Variants in C20orf203 observed in about 807,000 individuals in gnomAD.
The protein encoded by C20orf203 is chromosome 20 open reading frame 203, also known as uncharacterized protein C20orf203.
In C20orf203, 16 loss-of-function variants were observed where a neutral mutation model predicts 15.9. That is an observed-to-expected ratio of 1.01 (90% CI 0.68 to 1.53). The LOEUF (loss-of-function observed/expected upper bound fraction) is 1.53, where lower values mean the gene tolerates loss of function less well. Ranked by LOEUF, C20orf203 falls within the 40% of genes most tolerant of loss-of-function variation. C20orf203 has a pLI of 0.00. For missense variants in C20orf203, 263 were observed against 247.5 expected, an observed-to-expected ratio of 1.06 and a Z score of -0.42; for synonymous variants, 98 against 97.2, an observed-to-expected ratio of 1.01 and a Z score of -0.05.
chr20:32,666,571 G>T (rs923936342), intron 1 of C20orf203, among the ~76,000 whole-genome samples: 2 of 150,726 alleles, frequency 1.3e-5, no homozygotes, highest in African/African-American at 4.9e-5. Context: ...AGACCATCCT[G>T]GCTAACATAG....
intron 5 of C20orf203, among the ~76,000 whole-genome samples, chr20:32,638,266 T>C (rs1227067060): frequency 2.0e-5 from 3 of 152,232 alleles, no homozygotes; most frequent in Non-Finnish European, 4.4e-5. Flanking sequence ...TTCTGTGTGC[T>C]TCATGTATGT....
At position 32,650,622 on chromosome 20, in the gene C20orf203, C is replaced by A. The variant is rs942928914; in HGVS notation, c.395G>T (p.Arg132Leu). The change falls in exon 4 of 6, where the codon CGG (arginine) becomes CTG (leucine). Residue 132 changes from arginine to leucine, a missense_variant. Transcript: ENST00000608990. Reference protein sequence around the residue: ...VGRGLRAPAGRGRAMGGMPRM... With the variant: ...VGRGLRAPAGLGRAMGGMPRM... ...GGGCATCCCTCCCATTGCCCTCCCCCGCCCAGCAGGGGCCCGCAGCCCCCT... is the reference window on the plus strand; with the variant it reads ...GGGCATCCCTCCCATTGCCCTCCCCAGCCCAGCAGGGGCCCGCAGCCCCCT... 1.9e-5 allele frequency: 30 copies of A among 1,546,626 alleles called. No individual in the cohort carries two copies. Among genetic ancestry groups the A allele is most frequent in the Middle Eastern group, 1.7e-4 (1 of 6,002 alleles).
intron 5 of C20orf203, among the ~76,000 whole-genome samples, chr20:32,639,270 G>A (rs535688063): frequency 6.6e-6 from 1 of 152,302 alleles, no homozygotes; most frequent in South Asian, 2.1e-4. Context: ...TTCTTCCTTT[G>A]GATGTTTCTC....
chr20:32,653,673 C>T (rs1410145545), intron 1 of C20orf203, among the ~76,000 whole-genome samples: 3 of 152,118 alleles, frequency 2.0e-5, no homozygotes, highest in East Asian at 1.9e-4. Flanking sequence ...TCCACTCTTA[C>T]GGCAAAGTTG....
intron 5 of C20orf203, 101 bp from the exon 6 acceptor site, chr20:32,634,371 C>T: frequency 5.0e-6 from 2 of 396,438 alleles, no homozygotes; most frequent in Non-Finnish European, 8.9e-6. Context: ...GTGAGACATT[C>T]AAGAAGTGCA....
chr20:32,673,006 C>T (rs1983209881), intron 1 of C20orf203, among the ~76,000 whole-genome samples: 1 of 152,092 alleles, frequency 6.6e-6, no homozygotes, highest in African/African-American at 2.4e-5. Flanking sequence ...ATGGGACTGG[C>T]AGGATCTAGG....
chr20:32,666,421 C>T (rs574982040), intron 1 of C20orf203, among the ~76,000 whole-genome samples: 16 of 148,834 alleles, frequency 1.1e-4, no homozygotes, highest in Non-Finnish European at 2.2e-4. Flanking sequence ...GAGCCAAGAT[C>T]GTGCCACTGC....
Position 32,649,550 on chromosome 20 carries a change from CT to C in C20orf203, c.*881del, listed in dbSNP as rs771151278. 1 of 152,968 alleles carries C rather than the reference CT, an allele frequency of 6.5e-6. No homozygotes were observed. Among genetic ancestry groups the C allele is most frequent in the Non-Finnish European group, 1.5e-5 (1 of 68,376 alleles). 9.5% of individuals were successfully genotyped at this position (152,968 alleles called of 1,614,324 possible). On this transcript the variant is annotated 3_prime_UTR_variant, in exon 4 of 6. Coordinates refer to ENST00000608990, the MANE Select transcript of C20orf203 (RefSeq NM_182584.4). Reference sequence around the variant, plus strand: ...GGGTTCTAGCACACTCCTCCTGCCCCTGTCACAACACGCTGATGGCACCACA... The same window carrying C: ...GGGTTCTAGCACACTCCTCCTGCCCCGTCACAACACGCTGATGGCACCACA...
chr20:32,655,209 A>G (rs565470126), intron 1 of C20orf203, among the ~76,000 whole-genome samples: 2 of 152,224 alleles, frequency 1.3e-5, no homozygotes, highest in South Asian at 4.1e-4. Context: ...TGGATTAGGC[A>G]ATAGTTTCAT....
intron 1 of C20orf203, among the ~76,000 whole-genome samples, chr20:32,659,287 T>C (rs1982835331): frequency 6.6e-6 from 1 of 152,210 alleles, no homozygotes. Flanking sequence ...AAGGTCACCC[T>C]GTTTCTGGCC....
Position 32,633,968 on chromosome 20 carries a change from T to C in C20orf203, c.*1602A>G, listed in dbSNP as rs1982070850. The C allele has an allele frequency of 2.5e-6, 1 of 398,538 alleles. No homozygotes were observed. The highest frequency in any genetic ancestry group is 1.3e-4 in the South Asian group (1 of 7,820). 24.7% of individuals were successfully genotyped at this position (398,538 alleles called of 1,614,324 possible). A position where few individuals can be genotyped will look rare whatever the true frequency, so the allele number is the denominator to read the frequency against. Reference sequence around the variant, plus strand: ...GCTTCAGCTTCCCCACTCCGGACTGTTTCATGCGTTCATTCATGTGTCCAA... The same window carrying C: ...GCTTCAGCTTCCCCACTCCGGACTGCTTCATGCGTTCATTCATGTGTCCAA... On this transcript the variant is annotated 3_prime_UTR_variant, in exon 6 of 6. Coordinates refer to ENST00000608990, the MANE Select transcript of C20orf203 (RefSeq NM_182584.4).
At chr20:32,641,068 C>T (rs995207704) in intron 4 of C20orf203, among the ~76,000 whole-genome samples, 1 of 152,008 alleles carries the variant, frequency 6.6e-6, no homozygotes, top group Non-Finnish European at 1.5e-5. Flanking sequence ...CTTGTAATCC[C>T]AACGCTTTGG....
intron 1 of C20orf203, among the ~76,000 whole-genome samples, chr20:32,661,096 G>A (rs2145678925): frequency 6.6e-6 from 1 of 152,234 alleles, no homozygotes; most frequent in East Asian, 1.9e-4. Flanking sequence ...GGTGTTCAGA[G>A]GGAGGAAAGA....
intron 1 of C20orf203, among the ~76,000 whole-genome samples, chr20:32,672,174 G>A (rs1983186071): frequency 6.6e-6 from 1 of 151,764 alleles, no homozygotes; most frequent in African/African-American, 2.4e-5. Context: ...AAATTAGCTG[G>A]GCATGGTGGT....
At chr20:32,643,771 C>T (rs973280018) in intron 4 of C20orf203, among the ~76,000 whole-genome samples, 2 of 152,086 alleles carry the variant, frequency 1.3e-5, no homozygotes, top group Admixed American at 1.3e-4. Flanking sequence ...TGCCCAAGGT[C>T]GATTTAACAT....
At chr20:32,647,815 C>T (rs905022074) in intron 4 of C20orf203, among the ~76,000 whole-genome samples, 3 of 152,174 alleles carry the variant, frequency 2.0e-5, no homozygotes, top group African/African-American at 4.8e-5. Context: ...GGGTCAGGTG[C>T]ATAGCCTGGA....
chr20:32,648,472 G>A lies in C20orf203; in HGVS notation c.*1177+783C>T, dbSNP rs374339918. Among the ~76,000 whole-genome samples the A allele has an allele frequency of 1.5e-4, 18 of 118,438 alleles. No individual in the cohort carries two copies. The South Asian group carries it at 2.6e-3, about 17-fold the overall frequency. The allele number at this position is 118,438 out of a possible 152,430, so 77.7% of individuals were successfully genotyped here. A position where few individuals can be genotyped will look rare whatever the true frequency, so the allele number is the denominator to read the frequency against. ...TTTTTTTTTTTTGAGACAGAGTCTC[G>A]CTCTGTCGCCCAGGCTGGAGTACAG... On this transcript the variant is annotated intron_variant, in intron 4 of 5. Transcript: ENST00000608990.
chr20:32,673,274 C>A (rs1031032665), intron 1 of C20orf203, among the ~76,000 whole-genome samples: 33 of 152,282 alleles, frequency 2.2e-4, no homozygotes, highest in African/African-American at 7.5e-4. Context: ...CCTGTGGCTG[C>A]CATGGGGGAC....
Position 32,650,422 on chromosome 20 carries a change from C to T in C20orf203, c.*10G>A. 2 of 1,544,514 alleles carry T rather than the reference C, an allele frequency of 1.3e-6. No homozygotes were observed. The highest frequency in any genetic ancestry group is 8.8e-7 in the Non-Finnish European group (1 of 1,142,800). On this transcript the variant is annotated 3_prime_UTR_variant, in exon 4 of 6. Coordinates refer to ENST00000608990, the MANE Select transcript of C20orf203 (RefSeq NM_182584.4). Reference sequence around the variant, plus strand: ...AGGCAGAGCTGGGGGTGGGGGCGCCCTGGGCTCGGCTAATTAAACAGCGAC... The same window carrying T: ...AGGCAGAGCTGGGGGTGGGGGCGCCTTGGGCTCGGCTAATTAAACAGCGAC...
Sources: allele counts gnomAD v4.1 joint callset (sites outside exome capture counted in the v4.1 genomes callset), GRCh38; gene constraint gnomAD v4.1.1; transcripts MANE v1.5; gene names NCBI Gene and HGNC (gene_info 2026-07-23, HGNC 2026-07-21).